The following MACROH2A2 variants were observed in gnomAD, a reference collection of about 807,000 sequenced individuals.
The protein encoded by MACROH2A2 is macroH2A.2 histone.
MACROH2A2 carries 6 observed loss-of-function variants against 37.6 expected under a neutral mutation model. That is an observed-to-expected ratio of 0.16 (90% confidence interval 0.09 to 0.32). The LOEUF (loss-of-function observed/expected upper bound fraction) is 0.32, where lower values mean the gene tolerates loss of function less well. Among genes scored for constraint, MACROH2A2 ranks in the 10% least tolerant of loss-of-function variants. The pLI, the probability that MACROH2A2 is intolerant of heterozygous loss-of-function variation, is 1.00. For missense variants in MACROH2A2, 290 were observed against 485.9 expected, an observed-to-expected ratio of 0.60 and a Z score of 3.79; for synonymous variants, 192 against 202.7, an observed-to-expected ratio of 0.95 and a Z score of 0.45.
intron 6 of MACROH2A2, among the ~76,000 whole-genome samples, chr10:70,097,987 A>G (rs1313744516): frequency 6.6e-6 from 1 of 152,108 alleles, no homozygotes; most frequent in East Asian, 1.9e-4. Flanking sequence ...CACACCTGTA[A>G]TCCCAGCACT....
At chr10:70,093,709 T>G (rs1261689951) in intron 4 of MACROH2A2, 26 bp from the exon 5 acceptor site, 1 of 1,300,828 alleles carries the variant, frequency 7.7e-7, no homozygotes, top group East Asian at 2.3e-5. Flanking sequence ...TTGGTTCTCA[T>G]CTTGCCTTTT....
intron 2 of MACROH2A2, among the ~76,000 whole-genome samples, chr10:70,083,372 T>A (rs770577716): frequency 4.6e-5 from 7 of 152,326 alleles, no homozygotes; most frequent in Admixed American, 2.0e-4. Context: ...CAAATCTCTG[T>A]GGCAAGCAGT....
rs2072377707 is a variant in MACROH2A2, at chr10:70,111,832, A to G, written c.*149A>G. ...GCGCAGGGAGCCCTCTGCCCTTCAC[A>G]CTCTCCTCCAAAAGAGCCTCCATCT... is the stretch of plus-strand genomic sequence containing the variant. On this transcript the variant is annotated 3_prime_UTR_variant, in exon 9 of 9. Transcript: ENST00000373255. The G allele has an allele frequency of 1.9e-6, 1 of 519,772 alleles. No individual in the cohort carries two copies. Among genetic ancestry groups the G allele is most frequent in the East Asian group, 3.4e-5 (1 of 29,586 alleles). 32.2% of individuals were successfully genotyped at this position (519,772 alleles called of 1,614,324 possible).
chr10:70,070,695 G>T (rs1294745995), intron 1 of MACROH2A2, among the ~76,000 whole-genome samples: 1 of 152,018 alleles, frequency 6.6e-6, no homozygotes, highest in Non-Finnish European at 1.5e-5. Context: ...GTTTCATCAT[G>T]TTGCCCAGGC....
intron 3 of MACROH2A2, among the ~76,000 whole-genome samples, 153 bp from the exon 4 acceptor site, chr10:70,091,604 G>A (rs1488605777): frequency 3.3e-5 from 5 of 151,840 alleles, no homozygotes; most frequent in African/African-American, 1.2e-4. Context: ...GAACCTGGAG[G>A]CGGAGGCTGC....
intron 6 of MACROH2A2, among the ~76,000 whole-genome samples, chr10:70,096,679 G>A (rs890366592): frequency 1.3e-5 from 2 of 152,170 alleles, no homozygotes; most frequent in Admixed American, 1.3e-4. Context: ...CACGGAAAGG[G>A]TAAAGTGAGC....
intron 8 of MACROH2A2, among the ~76,000 whole-genome samples, chr10:70,111,217 T>C (rs111664090): frequency 0.078 from 11,810 of 152,176 alleles, 552 homozygotes; most frequent in East Asian, 0.23. Flanking sequence ...TGCAGTGAGC[T>C]GAGATCGCGC....
At chr10:70,111,328 A>C (rs1398575908) in intron 8 of MACROH2A2, among the ~76,000 whole-genome samples, 190 bp from the exon 9 acceptor site, 1 of 152,084 alleles carries the variant, frequency 6.6e-6, no homozygotes, top group African/African-American at 2.4e-5. Context: ...TCAGTGTGAC[A>C]CCTATAAAGT....
intron 2 of MACROH2A2, among the ~76,000 whole-genome samples, chr10:70,077,994 C>G (rs941267006): frequency 6.6e-6 from 1 of 152,194 alleles, no homozygotes; most frequent in Non-Finnish European, 1.5e-5. Context: ...CGACCTCAAG[C>G]CACGCAGTTT....
intron 1 of MACROH2A2, among the ~76,000 whole-genome samples, chr10:70,064,437 C>A (rs556753745): frequency 5.9e-5 from 9 of 152,298 alleles, no homozygotes; most frequent in African/African-American, 2.2e-4. Flanking sequence ...ACAAAATAAA[C>A]CTCCCTGCTC....
chr10:70,067,460 T>C (rs1564541011), intron 1 of MACROH2A2, among the ~76,000 whole-genome samples: 2 of 151,726 alleles, frequency 1.3e-5, no homozygotes, highest in Non-Finnish European at 2.9e-5. Flanking sequence ...GAAGAAACTG[T>C]GATGCTAGCA....
At chr10:70,069,416 A>T (rs1279634182) in intron 1 of MACROH2A2, among the ~76,000 whole-genome samples, 1 of 152,118 alleles carries the variant, frequency 6.6e-6, no homozygotes, top group Non-Finnish European at 1.5e-5. Flanking sequence ...GAGTAATTAT[A>T]AGACTGTATA....
At chr10:70,092,004 T>C (rs1479049225) in intron 4 of MACROH2A2, 50 bp downstream of exon 4, 1 of 1,383,444 alleles carries the variant, frequency 7.2e-7, no homozygotes, top group South Asian at 1.2e-5. Flanking sequence ...TGCAATGGTC[T>C]GAATGTCTGT....
At chr10:70,101,111 G>C (rs2072304186) in intron 7 of MACROH2A2, among the ~76,000 whole-genome samples, 1 of 152,296 alleles carries the variant, frequency 6.6e-6, no homozygotes, top group African/African-American at 2.4e-5. Context: ...GATAGTTTGA[G>C]AGAGAAAGTG....
intron 7 of MACROH2A2, among the ~76,000 whole-genome samples, chr10:70,103,968 C>T (rs548079389): frequency 6.6e-6 from 1 of 152,188 alleles, no homozygotes; most frequent in African/African-American, 2.4e-5. Context: ...GGAAAGAATA[C>T]AAAAGTCTGC....
intron 2 of MACROH2A2, among the ~76,000 whole-genome samples, chr10:70,081,530 G>T (rs56317707): frequency 0.049 from 7,419 of 152,102 alleles, 332 homozygotes; most frequent in East Asian, 0.22. Flanking sequence ...AGCGTGTGAC[G>T]CGTCAGAGGC....
chr10:70,060,348 C>T (rs996896514), intron 1 of MACROH2A2, among the ~76,000 whole-genome samples: 7 of 149,770 alleles, frequency 4.7e-5, no homozygotes, highest in South Asian at 2.1e-4. Context: ...CCAGCCTGGG[C>T]GACAGAGCCA....
intron 2 of MACROH2A2, among the ~76,000 whole-genome samples, chr10:70,084,670 C>T (rs557041592): frequency 4.6e-5 from 7 of 152,114 alleles, no homozygotes; most frequent in South Asian, 2.1e-4. Flanking sequence ...GGTGTGATCA[C>T]GGCTCACTAC....
chr10:70,087,805 A>T (rs189663750), intron 2 of MACROH2A2, among the ~76,000 whole-genome samples: 24 of 152,346 alleles, frequency 1.6e-4, no homozygotes, highest in Admixed American at 1.5e-3. Context: ...ATTGCTTAAT[A>T]ATCTGGAAAA....
Sources: allele counts gnomAD v4.1 joint callset (sites outside exome capture counted in the v4.1 genomes callset), GRCh38; gene constraint gnomAD v4.1.1; transcripts MANE v1.5; gene names NCBI Gene and HGNC (gene_info 2026-07-23, HGNC 2026-07-21).